The following FGD4 variants were observed in gnomAD, a reference collection of about 807,000 sequenced individuals.
FGD4 encodes FYVE, RhoGEF and PH domain-containing protein 4.
A neutral mutation model predicts 102.0 loss-of-function variants in FGD4; 42 were observed. That is an observed-to-expected ratio of 0.41 (90% CI 0.32 to 0.53). The LOEUF (loss-of-function observed/expected upper bound fraction) is 0.53. FGD4 is among the 20% of genes least tolerant of loss of function. The pLI, the probability that FGD4 is intolerant of heterozygous loss-of-function variation, is 0.21. For missense variants in FGD4, 902 were observed against 1,078.2 expected, an observed-to-expected ratio of 0.84 and a Z score of 2.29; for synonymous variants, 380 against 375.7, an observed-to-expected ratio of 1.01 and a Z score of -0.13.
chr12:32,534,557 A>G (rs529260905), intron 1 of FGD4: 71 of 1,042,840 alleles, frequency 6.8e-5, no homozygotes, highest in South Asian at 3.9e-4. Context: ...GGGTCACTTT[A>G]TAACACTGCA....
At chr12:32,560,726 T>C (rs1944470426) in intron 1 of FGD4, among the ~76,000 whole-genome samples, 2 of 152,044 alleles carry the variant, frequency 1.3e-5, no homozygotes, top group South Asian at 4.2e-4. Context: ...AAGGTCTCCC[T>C]CTGTTGACCA....
chr12:32,536,929 C>CTT (rs113194259), intron 1 of FGD4, among the ~76,000 whole-genome samples: 19 of 144,596 alleles, frequency 1.3e-4, no homozygotes, highest in African/African-American at 4.8e-4. Context: ...TCTCTCTTTT[C>CTT]TTTTTTTTTT....
At chr12:32,632,969 A>G (rs1315197640) in intron 14 of FGD4, among the ~76,000 whole-genome samples, 1 of 152,098 alleles carries the variant, frequency 6.6e-6, no homozygotes, top group Non-Finnish European at 1.5e-5. Flanking sequence ...TGCTACAAGG[A>G]CCAGTCACAA....
intron 1 of FGD4, 36 bp downstream of exon 1, chr12:32,399,995 G>T: frequency 7.0e-7 from 1 of 1,426,928 alleles, no homozygotes; most frequent in Non-Finnish European, 9.1e-7. Flanking sequence ...GGGTGGCCCC[G>T]GCGCGTAGGT....
intron 14 of FGD4, among the ~76,000 whole-genome samples, chr12:32,631,503 C>CTTTT (rs1228901589): frequency 1.7e-4 from 21 of 124,560 alleles, no homozygotes; most frequent in South Asian, 7.9e-4. Context: ...GAGCAAACAG[C>CTTTT]TTTTTTTTTT....
intron 1 of FGD4, among the ~76,000 whole-genome samples, chr12:32,407,933 A>G (rs1941013222): frequency 6.6e-6 from 1 of 151,602 alleles, no homozygotes; most frequent in African/African-American, 2.4e-5. Context: ...TTTATAGGCT[A>G]TTTTTTCCCC....
chr12:32,608,223 T>C (rs1044587209), intron 8 of FGD4, 128 bp downstream of exon 8: 18 of 1,313,542 alleles, frequency 1.4e-5, no homozygotes, highest in South Asian at 1.3e-4. Flanking sequence ...GATAATTTCA[T>C]TGGAAATTGT....
At chr12:32,523,099 C>A (rs73303511) in intron 1 of FGD4, among the ~76,000 whole-genome samples, 3,847 of 152,194 alleles carry the variant, frequency 0.025, 150 homozygotes, top group African/African-American at 0.086. Flanking sequence ...TAGCTGTAAA[C>A]CCCCTCCCGG....
At chr12:32,637,050 T>TC (rs1273449785) in intron 15 of FGD4, among the ~76,000 whole-genome samples, 7 of 96,454 alleles carry the variant, frequency 7.3e-5, no homozygotes, top group African/African-American at 2.5e-4. Context: ...TTTTTCTTCT[T>TC]TTTTTTTTTT....
At chr12:32,605,606 A>T (rs919057055) in intron 7 of FGD4, among the ~76,000 whole-genome samples, 1 of 152,188 alleles carries the variant, frequency 6.6e-6, no homozygotes, top group African/African-American at 2.4e-5. Flanking sequence ...ATATCTTGTC[A>T]TCCAAACAAA....
At chr12:32,582,532 CTT>C (rs765431588) in intron 4 of FGD4, 65 bp downstream of exon 4, 26 of 1,589,062 alleles carry the variant, frequency 1.6e-5, no homozygotes, top group African/African-American at 1.3e-5. Context: ...TCTTAAAACT[CTT>C]TATTTATTGC....
intron 14 of FGD4, among the ~76,000 whole-genome samples, chr12:32,632,715 T>TTATTTA (rs1407034305): frequency 1.0e-5 from 1 of 95,928 alleles, no homozygotes; most frequent in Non-Finnish European, 2.2e-5. Context: ...ATTTATTTAT[T>TTATTTA]TTTTTTTTTT....
intron 1 of FGD4, among the ~76,000 whole-genome samples, chr12:32,406,584 T>C (rs1333901009): frequency 6.6e-6 from 1 of 151,750 alleles, no homozygotes; most frequent in African/African-American, 2.4e-5. Context: ...AAAAAATTTA[T>C]GCATGTGAAA....
chr12:32,607,884 C>T (rs1424717564), intron 7 of FGD4, 73 bp from the exon 8 acceptor site: 3 of 1,568,328 alleles, frequency 1.9e-6, no homozygotes, highest in South Asian at 1.1e-5. Context: ...GACGAAAGTT[C>T]TGTTTTACAG....
At chr12:32,597,701 G>C (rs1948021812) in intron 4 of FGD4, among the ~76,000 whole-genome samples, 1 of 152,108 alleles carries the variant, frequency 6.6e-6, no homozygotes, top group Admixed American at 6.5e-5. Context: ...TATATTTAAG[G>C]CTTAAATAAA....
At chr12:32,546,760 C>T (rs1433782353) in intron 1 of FGD4, among the ~76,000 whole-genome samples, 1 of 152,134 alleles carries the variant, frequency 6.6e-6, no homozygotes, top group Admixed American at 6.5e-5. Flanking sequence ...CCTCATCAGC[C>T]TCGATTTGAG....
Position 32,608,003 on chromosome 12 carries a change from A to T in FGD4, c.1451A>T (p.Glu484Val). The change falls in exon 8 of 17, where the codon GAA becomes GTA. Residue 484 changes from glutamate (E) to valine (V), a missense_variant. Around this residue, in one of 2 missense-constraint regions of FGD4, gnomAD observed 459 missense variants for 619.0 expected, o/e 0.74. Transcript: ENST00000534526. ...TTAACTTTGCAGCATCACATGCTAG[A>T]ACCTGTTCAGCGGATTCCCCGGTAT... ...GSLTLQHHML[E>V]PVQRIPRYEM... 3.1e-6 allele frequency: 5 copies of T among 1,614,252 alleles called. No homozygotes were observed. Among genetic ancestry groups the T allele is most frequent in the Non-Finnish European group, 4.2e-6 (5 of 1,180,042 alleles).
chr12:32,618,182 A>G (rs1683011014), intron 10 of FGD4, among the ~76,000 whole-genome samples: 1 of 152,242 alleles, frequency 6.6e-6, no homozygotes, highest in Non-Finnish European at 1.5e-5. Context: ...CTTGAGGACA[A>G]GTATCGGATA....
chr12:32,628,642 T>C (rs752151110), intron 14 of FGD4, among the ~76,000 whole-genome samples: 2 of 151,974 alleles, frequency 1.3e-5, no homozygotes, highest in African/African-American at 2.4e-5. Context: ...CTACTAAAAA[T>C]ACAAAATTAG....
Sources: allele counts gnomAD v4.1 joint callset (sites outside exome capture counted in the v4.1 genomes callset), GRCh38; gene constraint gnomAD v4.1.1; regional missense constraint gnomAD v4.1.1; transcripts MANE v1.5; gene names NCBI Gene and HGNC (gene_info 2026-07-23, HGNC 2026-07-21).